The following OR10J1 variants were observed in gnomAD, a reference collection of about 807,000 sequenced individuals.
The protein encoded by OR10J1 is olfactory receptor 10J1.
For missense variants in OR10J1, 474 were observed against 376.6 expected (o/e 1.26, Z -2.14); for synonymous variants, 202 against 143.8 (o/e 1.40, Z -2.89).
At chr1:159,411,615 T>C in the OR10J1 span, among the ~76,000 whole-genome samples, 37 of 152,188 alleles carry the variant, frequency 2.4e-4, no homozygotes, top group Non-Finnish European at 3.1e-4. Flanking sequence ...ATGGGCTTCC[T>C]GAATACAGCA....
the OR10J1 span, among the ~76,000 whole-genome samples, chr1:159,412,752 G>T: frequency 6.0e-5 from 9 of 150,998 alleles, no homozygotes; most frequent in Admixed American, 5.3e-4. Context: ...AAACCTAGGC[G>T]TTACCATTCA....
upstream of OR10J1, chr1:159,439,662 T>G: frequency 9.0e-7 from 1 of 1,114,140 alleles, no homozygotes; most frequent in Middle Eastern, 2.1e-4. Context: ...CTTAATCCAC[T>G]AGGAAATACA....
chr1:159,439,573 C>A (rs1359607023), upstream of OR10J1: 1 of 621,584 alleles, frequency 1.6e-6, no homozygotes, highest in Non-Finnish European at 2.8e-6. Context: ...CTATATGATT[C>A]TATGATGCAT....
At chr1:159,422,908 AT>A in the OR10J1 span, among the ~76,000 whole-genome samples, 1 of 152,080 alleles carries the variant, frequency 6.6e-6, no homozygotes, top group African/African-American at 2.4e-5. Context: ...AACAGGCTAC[AT>A]TGCTTCCCTC....
chr1:159,402,203 C>T, the OR10J1 span, among the ~76,000 whole-genome samples: 124 of 152,102 alleles, frequency 8.2e-4, 1 homozygote, highest in Non-Finnish European at 1.5e-3. Flanking sequence ...TGCAACACAA[C>T]AAGAATGCCC....
chr1:159,440,640 A>G lies in OR10J1; in HGVS notation c.849A>G (p.Leu283=), dbSNP rs961739219. Residue 283 remains leucine (L), a synonymous_variant, in exon 1 of 1, where the codon CTA becomes CTG. Transcript: ENST00000423932. ...TGACCTACACTGTCATCACTCCCCT[A>G]CTGAACCCTGTGGTATACACCCTGA... ...ISVTYTVITP[L]LNPVVYTLRN... 6.2e-7 allele frequency: 1 copy of G among 1,613,578 alleles called. No homozygotes were observed. The highest frequency in any genetic ancestry group is 8.5e-7 in the Non-Finnish European group (1 of 1,179,926).
At chr1:159,411,113 T>G in the OR10J1 span, among the ~76,000 whole-genome samples, 1 of 152,070 alleles carries the variant, frequency 6.6e-6, no homozygotes, top group African/African-American at 2.4e-5. Context: ...AGAGCTTTAC[T>G]TCCAACTATG....
the OR10J1 span, among the ~76,000 whole-genome samples, chr1:159,428,310 G>T: frequency 6.6e-6 from 1 of 152,006 alleles, no homozygotes; most frequent in Non-Finnish European, 1.5e-5. Context: ...ATTCATCCTA[G>T]ATTTTCTTAG....
chr1:159,403,172 G>C, the OR10J1 span, among the ~76,000 whole-genome samples: 1 of 151,958 alleles, frequency 6.6e-6, no homozygotes, highest in Non-Finnish European at 1.5e-5. Context: ...AGAAAACATT[G>C]GGGAAAATCT....
the OR10J1 span, among the ~76,000 whole-genome samples, chr1:159,414,221 C>A: frequency 6.6e-6 from 1 of 152,044 alleles, no homozygotes; most frequent in Non-Finnish European, 1.5e-5. Context: ...TACCCATTGA[C>A]CAACTTCTCT....
chr1:159,401,459 G>C, the OR10J1 span, among the ~76,000 whole-genome samples: 1 of 151,956 alleles, frequency 6.6e-6, no homozygotes, highest in Non-Finnish European at 1.5e-5. Flanking sequence ...ATGATTAGTG[G>C]CTACTATGAG....
At chr1:159,407,860 G>C in the OR10J1 span, among the ~76,000 whole-genome samples, 1 of 152,064 alleles carries the variant, frequency 6.6e-6, no homozygotes, top group African/African-American at 2.4e-5. Flanking sequence ...TTTACTGAGT[G>C]AATAAAGCAT....
chr1:159,438,674 GAA>G (rs1295958015), upstream of OR10J1, among the ~76,000 whole-genome samples: 3 of 152,184 alleles, frequency 2.0e-5, no homozygotes, highest in Non-Finnish European at 4.4e-5. Context: ...TGAACTTGAA[GAA>G]AGTCTCCGTG....
chr1:159,401,902 C>A, the OR10J1 span, among the ~76,000 whole-genome samples: 1 of 151,926 alleles, frequency 6.6e-6, no homozygotes, highest in Non-Finnish European at 1.5e-5. Flanking sequence ...TTATCATGAC[C>A]AAGTGGGATT....
the OR10J1 span, among the ~76,000 whole-genome samples, chr1:159,397,824 C>A: frequency 6.6e-6 from 1 of 152,160 alleles, no homozygotes; most frequent in Non-Finnish European, 1.5e-5. Flanking sequence ...GCTTGAGGGA[C>A]CTTGCCACCC....
the OR10J1 span, among the ~76,000 whole-genome samples, chr1:159,398,422 A>T: frequency 6.6e-6 from 1 of 152,220 alleles, no homozygotes; most frequent in Non-Finnish European, 1.5e-5. Context: ...GGCACTAGGG[A>T]CCAATCCTGA....
chr1:159,408,282 A>G, the OR10J1 span, among the ~76,000 whole-genome samples: 1 of 151,970 alleles, frequency 6.6e-6, no homozygotes, highest in Non-Finnish European at 1.5e-5. Flanking sequence ...ATACTATGCA[A>G]CCATAAAAAA....
chr1:159,433,356 T>C (rs1262507888), upstream of OR10J1, among the ~76,000 whole-genome samples: 1 of 152,162 alleles, frequency 6.6e-6, no homozygotes, highest in Non-Finnish European at 1.5e-5. Flanking sequence ...TTTACCAAGC[T>C]TGATGAAAAT....
At chr1:159,411,350 T>A in the OR10J1 span, among the ~76,000 whole-genome samples, 1 of 152,110 alleles carries the variant, frequency 6.6e-6, no homozygotes, top group Non-Finnish European at 1.5e-5. Flanking sequence ...TTTGTAGGTC[T>A]CCAAGGACTT....
Sources: gnomAD v4.1 joint callset for allele counts (sites outside exome capture counted in the v4.1 genomes callset) on GRCh38, gnomAD v4.1.1 for gene constraint, MANE v1.5 for transcripts, NCBI Gene and HGNC (gene_info 2026-07-23, HGNC 2026-07-21) for gene names.